The following UBE4B variants were observed in gnomAD, a reference collection of about 807,000 sequenced individuals.
UBE4B encodes the protein ubiquitin conjugation factor E4 B.
Under a neutral mutation model 148.1 loss-of-function variants are expected in UBE4B, and 27 were observed. The observed-to-expected ratio is 0.18, with a 90% CI of 0.13 to 0.25. The LOEUF is 0.25. Among genes scored for constraint, UBE4B ranks in the 10% least tolerant of loss-of-function variants. The pLI is 1.00. For synonymous variants in UBE4B, 596 were observed against 619.3 expected, an observed-to-expected ratio of 0.96 and a Z score of 0.56; for missense variants, 1,170 against 1,662.4, an observed-to-expected ratio of 0.70 and a Z score of 5.15.
At chr1:10,050,818 G>A (rs1463320570) in intron 1 of UBE4B, among the ~76,000 whole-genome samples, 2 of 150,674 alleles carry the variant, frequency 1.3e-5, no homozygotes, top group Non-Finnish European at 2.9e-5. Flanking sequence ...TTCCCTCCTC[G>A]GCCTCCCAAA....
Position 10,072,050 on chromosome 1 carries a change from G to A in UBE4B, c.47G>A (p.Arg16Gln). ...TAGATTCGACGGAGGCGCCTTGCAC[G>A]ACTTGCTGGTGGACAGACCTCTCAG... ...ADEIRRRRLA[R>Q]LAGGQTSQPT... Residue 16 changes from arginine to glutamine, a missense_variant, in exon 2 of 28, where the codon CGA (arginine) becomes CAA (glutamine). By Grantham distance (43) the Arg-to-Gln change is conservative. This residue lies in a region of UBE4B where 127 missense variants were observed against 153.2 expected (regional missense o/e 0.83). Coordinates refer to ENST00000343090, the MANE Select transcript of UBE4B (RefSeq NM_001105562.3). 1.2e-6 allele frequency: 2 copies of A among 1,600,052 alleles called. No individual in the cohort carries two copies. The highest frequency in any genetic ancestry group is 1.7e-6 in the Non-Finnish European group (2 of 1,174,348).
intron 12 of UBE4B, among the ~76,000 whole-genome samples, chr1:10,129,890 T>C (rs1028431649): frequency 9.9e-5 from 15 of 152,240 alleles, no homozygotes; most frequent in African/African-American, 2.4e-4. Flanking sequence ...TGACCTCAGG[T>C]GATCCACCCG....
chr1:10,144,807 T>TA, intron 17 of UBE4B, 133 bp from the exon 18 acceptor site: 1 of 578,512 alleles, frequency 1.7e-6, no homozygotes, highest in Non-Finnish European at 3.1e-6. Context: ...GGTTGTAAGA[T>TA]ATACTCTGAT....
chr1:10,042,332 G>A (rs964430787), intron 1 of UBE4B, among the ~76,000 whole-genome samples: 19 of 152,238 alleles, frequency 1.2e-4, no homozygotes, highest in African/African-American at 4.6e-4. Context: ...ATGGAGCTTC[G>A]TCCTAGTGGG....
In UBE4B at chr1:10,147,046, T is replaced by C. The variant is rs1645884701; in HGVS notation, c.2547T>C (p.Leu849=). 6.2e-7 allele frequency: 1 copy of C among 1,614,144 alleles called. No individual in the cohort carries two copies. Residue 849 remains leucine (L), a synonymous_variant, in exon 19 of 28, where the codon CTT becomes CTC. Transcript: ENST00000343090. ...GAAGATGTCTGAATTTTTATGGCCT[T>C]CTCATTCAGCTGCTGCTCCGCATCC... ...FLRRCLNFYG[L]LIQLLLRILD... is the part of the protein sequence containing the mutation.
rs557411577 is a variant in UBE4B, at chr1:10,111,081, A to G, written c.1196+4498A>G. On this transcript the variant is annotated intron_variant, in intron 7 of 27. Transcript: ENST00000343090. ...CACACACACACACACACACACACAC[A>G]CACACACACACAGTCTTTCCACCAT... is the stretch of plus-strand genomic sequence containing the variant. Among the ~76,000 whole-genome samples, 19 of 140,986 alleles carry G rather than the reference A, an allele frequency of 1.3e-4. No individual in the cohort carries two copies. The East Asian group carries it at 4.2e-3, about 31-fold the overall frequency. The allele number at this position is 140,986 out of a possible 152,430, so 92.5% of individuals were successfully genotyped here.
At chr1:10,097,390 A>G (rs1161276145) in intron 3 of UBE4B, among the ~76,000 whole-genome samples, 1 of 152,230 alleles carries the variant, frequency 6.6e-6, no homozygotes, top group East Asian at 1.9e-4. Context: ...ATATCTAAAC[A>G]TCAAAAAGGG....
intron 25 of UBE4B, among the ~76,000 whole-genome samples, chr1:10,177,615 C>T (rs968244789): frequency 6.6e-6 from 1 of 152,126 alleles, no homozygotes; most frequent in Non-Finnish European, 1.5e-5. Context: ...ATGATTGCAC[C>T]ACTGCACTCC....
intron 2 of UBE4B, among the ~76,000 whole-genome samples, chr1:10,088,854 T>A (rs1644802612): frequency 6.6e-6 from 1 of 151,902 alleles, no homozygotes; most frequent in African/African-American, 2.4e-5. Flanking sequence ...AATTTTTTTA[T>A]TATTTGTAGA....
rs1314284937 is a variant in UBE4B, at chr1:10,076,579, G to A, written c.211+4365G>A. Among the ~76,000 whole-genome samples the A allele has an allele frequency of 4.0e-5, 6 of 151,594 alleles. No individual in the cohort carries two copies. In the South Asian group the frequency reaches 1.0e-3, roughly 26 times the overall value. ...AACAGAGACAAACACTGGGTGGGGT[G>A]CCACCCATGGTAAAAAGTCCTTCAT... On this transcript the variant is annotated intron_variant, in intron 2 of 27. Coordinates refer to ENST00000343090, the MANE Select transcript of UBE4B (RefSeq NM_001105562.3).
At chr1:10,176,533 A>C (rs1422094818) in intron 25 of UBE4B, among the ~76,000 whole-genome samples, 3 of 152,050 alleles carry the variant, frequency 2.0e-5, no homozygotes, top group Non-Finnish European at 4.4e-5. Flanking sequence ...TCCATCATGA[A>C]GTTTAAAAAT....
At chr1:10,132,030 T>C (rs1645604261) in intron 14 of UBE4B, among the ~76,000 whole-genome samples, 1 of 152,040 alleles carries the variant, frequency 6.6e-6, no homozygotes, top group African/African-American at 2.4e-5. Context: ...CTCGGGAGGC[T>C]GAGGCAGGAG....
intron 17 of UBE4B, among the ~76,000 whole-genome samples, chr1:10,139,161 C>T (rs960927528): frequency 1.3e-5 from 2 of 152,236 alleles, no homozygotes; most frequent in South Asian, 2.1e-4. Flanking sequence ...TTTGGGAGGC[C>T]GAGGCAGACG....
chr1:10,112,461 G>A (rs1570913378), intron 7 of UBE4B, among the ~76,000 whole-genome samples: 1 of 152,092 alleles, frequency 6.6e-6, no homozygotes, highest in South Asian at 2.1e-4. Context: ...GTGCAGTGGC[G>A]CGATCTCAGC....
At chr1:10,123,468 G>A (rs932300043) in intron 10 of UBE4B, among the ~76,000 whole-genome samples, 3 of 150,680 alleles carry the variant, frequency 2.0e-5, no homozygotes, top group Admixed American at 2.0e-4. Flanking sequence ...TGTCTTGGAA[G>A]GTTTGAGTGA....
In UBE4B at chr1:10,117,522, C is replaced by G; in HGVS notation, c.1260C>G (p.Thr420=). ...DSYSDHFTIE[T]CKETDMLNYL... ...ACAGTGACCATTTCACCATTGAAAC[C>G]TGCAAAGAGACAGATATGCTGAACT... Residue 420 remains threonine, a synonymous_variant, in exon 8 of 28, where the codon ACC becomes ACG. Coordinates refer to ENST00000343090, the MANE Select transcript of UBE4B (RefSeq NM_001105562.3). 1 of 1,612,626 alleles carries G rather than the reference C, an allele frequency of 6.2e-7. No homozygotes were observed. Among genetic ancestry groups the G allele is most frequent in the Non-Finnish European group, 8.5e-7 (1 of 1,179,642 alleles).
At chr1:10,055,288 C>T (rs1052043964) in intron 1 of UBE4B, among the ~76,000 whole-genome samples, 5 of 151,466 alleles carry the variant, frequency 3.3e-5, no homozygotes, top group Non-Finnish European at 5.9e-5. Context: ...CTTTTCTTTT[C>T]TTTTCTTTTC....
Position 10,106,537 on chromosome 1 carries a change from C to A in UBE4B, c.1150C>A (p.Pro384Thr). ...GGGTCCACCCCTACCACCCGCCTCA[C>A]CCAGTGCCACGAGCAGACGCCCCTC... ...STGPPLPPAS[P>T]SATSRRPSSL... Residue 384 changes from proline to threonine, a missense_variant, in exon 7 of 28, where the codon CCC becomes ACC. Transcript: ENST00000343090. This position sits in a 1 kb window ranked among gnomAD's most constrained non-coding sequence, Gnocchi z 4.2. The A allele has an allele frequency of 6.2e-7, 1 of 1,600,614 alleles. No homozygotes were observed. Among genetic ancestry groups the A allele is most frequent in the Non-Finnish European group, 8.5e-7 (1 of 1,175,888 alleles).
At chr1:10,108,754 C>T (rs1645164832) in intron 7 of UBE4B, among the ~76,000 whole-genome samples, 1 of 152,170 alleles carries the variant, frequency 6.6e-6, no homozygotes, top group African/African-American at 2.4e-5. Context: ...TTACGCTGAA[C>T]ATTTTATCAC....
Sources: allele counts gnomAD v4.1 joint callset (sites outside exome capture counted in the v4.1 genomes callset), GRCh38; gene constraint gnomAD v4.1.1; regional missense constraint gnomAD v4.1.1; non-coding constraint Gnocchi (gnomAD v3.1); transcripts MANE v1.5; gene names NCBI Gene and HGNC (gene_info 2026-07-23, HGNC 2026-07-21).